Variants in PLXDC1 observed in about 807,000 individuals in gnomAD.
PLXDC1 encodes plexin domain-containing protein 1.
PLXDC1 carries 39 observed loss-of-function variants against 61.3 expected under a neutral mutation model. The ratio of observed to expected loss-of-function variants is 0.64; its 90% CI spans 0.49 to 0.83. The LOEUF (loss-of-function observed/expected upper bound fraction) is 0.83, where lower values mean the gene tolerates loss of function less well. PLXDC1 is among the 40% of genes least tolerant of loss of function. The pLI is 0.00. For synonymous variants in PLXDC1, 212 were observed against 254.5 expected (o/e 0.83, Z 1.59); for missense variants, 596 against 666.5 (o/e 0.89, Z 1.17).
chr17:39,118,264 G>A (rs990332680), intron 2 of PLXDC1, among the ~76,000 whole-genome samples: 3 of 151,872 alleles, frequency 2.0e-5, no homozygotes, highest in African/African-American at 4.8e-5. Context: ...GAGTGCAATG[G>A]TGAGATCTGG....
At chr17:39,076,508 C>CA (rs34943653) in intron 11 of PLXDC1, among the ~76,000 whole-genome samples, 9,493 of 84,976 alleles carry the variant, frequency 0.11, 655 homozygotes, top group African/African-American at 0.26. Context: ...GACCCTGTCT[C>CA]AAAAAAAAAA....
At chr17:39,082,033 G>A (rs1039006519) in intron 9 of PLXDC1, among the ~76,000 whole-genome samples, 8 of 152,154 alleles carry the variant, frequency 5.3e-5, no homozygotes, top group Non-Finnish European at 1.0e-4. Context: ...CATTTTACAG[G>A]GTAAACAATC....
chr17:39,109,200 C>T (rs746997117), intron 3 of PLXDC1, 48 bp downstream of exon 3: 1 of 1,573,482 alleles, frequency 6.4e-7, no homozygotes. Flanking sequence ...TGGTTTGGCC[C>T]CCGGCCTCCC....
intron 9 of PLXDC1, 183 bp from the exon 10 acceptor site, chr17:39,079,347 C>T: frequency 1.6e-6 from 1 of 625,604 alleles, no homozygotes; most frequent in Non-Finnish European, 3.0e-6. Context: ...GGCATCCCTG[C>T]CTTCCTTCCC....
intron 8 of PLXDC1, among the ~76,000 whole-genome samples, chr17:39,087,351 C>T (rs1162993927): frequency 1.3e-5 from 2 of 152,210 alleles, no homozygotes; most frequent in Non-Finnish European, 2.9e-5. Flanking sequence ...CAAGCCCTAA[C>T]CCCCACCCCA....
At chr17:39,090,403 C>T (rs909405815) in intron 7 of PLXDC1, among the ~76,000 whole-genome samples, 3 of 152,140 alleles carry the variant, frequency 2.0e-5, no homozygotes, top group South Asian at 4.2e-4. Flanking sequence ...CACCTGCTAC[C>T]CACAGGCCAG....
At chr17:39,128,097 G>GTGTGTGTGTATATA in intron 2 of PLXDC1, among the ~76,000 whole-genome samples, 1 of 67,478 alleles carries the variant, frequency 1.5e-5, no homozygotes, top group Non-Finnish European at 2.7e-5. Context: ...CTCTCTATGT[G>GTGTGTGTGTATATA]TATATATATA....
intron 1 of PLXDC1, among the ~76,000 whole-genome samples, chr17:39,145,029 C>T (rs1032609305): frequency 6.6e-6 from 1 of 152,182 alleles, no homozygotes; most frequent in Admixed American, 6.5e-5. Context: ...AAGGAACCTC[C>T]CAAGGTCACA....
intron 2 of PLXDC1, among the ~76,000 whole-genome samples, chr17:39,120,907 G>A (rs571019098): frequency 5.9e-5 from 9 of 152,218 alleles, no homozygotes; most frequent in African/African-American, 1.7e-4. Flanking sequence ...ACAGGCATGC[G>A]CCATCACGCG....
intron 7 of PLXDC1, among the ~76,000 whole-genome samples, chr17:39,104,169 G>A (rs756353929): frequency 2.0e-5 from 3 of 152,190 alleles, no homozygotes; most frequent in Non-Finnish European, 2.9e-5. Flanking sequence ...CCAGACATTA[G>A]GCCCAACACT....
rs187198977 is a variant in PLXDC1 at position 39,123,170 on chromosome 17, C to A, written c.256-13779G>T. ...CCTCTCTTCTCTGAGGGTCAGTTCC[C>A]TCATCAGTGACCTTTCTTGCAAGGT... On this transcript the variant is annotated intron_variant, in intron 2 of 13. Transcript: ENST00000315392. Among the ~76,000 whole-genome samples, 39 of 152,300 alleles carry A rather than the reference C, an allele frequency of 2.6e-4. 1 individual carries two copies. The highest frequency in any genetic ancestry group is 4.4e-5 in the Non-Finnish European group (3 of 68,030).
chr17:39,151,000 G>C (rs2045368890), intron 1 of PLXDC1, among the ~76,000 whole-genome samples: 1 of 152,176 alleles, frequency 6.6e-6, no homozygotes, highest in East Asian at 1.9e-4. Flanking sequence ...GCCTCCCCAG[G>C]CTCCCATCTC....
At chr17:39,114,491 G>T (rs972465971) in intron 2 of PLXDC1, among the ~76,000 whole-genome samples, 1 of 152,180 alleles carries the variant, frequency 6.6e-6, no homozygotes, top group African/African-American at 2.4e-5. Flanking sequence ...TTGCACACTT[G>T]TGACAATTTA....
chr17:39,099,425 C>A (rs1173663212), intron 7 of PLXDC1, among the ~76,000 whole-genome samples: 1 of 152,088 alleles, frequency 6.6e-6, no homozygotes, highest in Non-Finnish European at 1.5e-5. Flanking sequence ...ATGAAACAGA[C>A]ACATCCCTGC....
intron 4 of PLXDC1, 29 bp from the exon 5 acceptor site, chr17:39,108,274 C>T (rs767455926): frequency 1.2e-6 from 2 of 1,612,606 alleles, no homozygotes; most frequent in Middle Eastern, 1.9e-4. Flanking sequence ...AGAGGAGTCA[C>T]CAGAAATGGC....
chr17:39,085,423 G>A (rs1454775943), intron 8 of PLXDC1, among the ~76,000 whole-genome samples: 5 of 152,226 alleles, frequency 3.3e-5, no homozygotes, highest in Non-Finnish European at 7.3e-5. Context: ...ACAGTGCCTG[G>A]CACATGGTAT....
chr17:39,108,602 A>G (rs1910680384), intron 4 of PLXDC1: 3 of 514,598 alleles, frequency 5.8e-6, no homozygotes, highest in Admixed American at 6.3e-5. Flanking sequence ...CAGGAGCCCA[A>G]GCTCTCAGTG....
rs147201824 is a variant in PLXDC1, at chr17:39,083,494, C to A, written c.954G>T (p.Leu318=). Reference sequence around the variant, plus strand: ...CATGGCACCAGCTGCAGTTGAAGGTCAGGTCTGAGGACATGCAGGCGTCAC... The same window carrying A: ...CATGGCACCAGCTGCAGTTGAAGGTAAGGTCTGAGGACATGCAGGCGTCAC... ...RSCDACMSSD[L]TFNCSWCHVL... is the part of the protein sequence containing the mutation. The change falls in exon 9 of 14, where the codon CTG becomes CTT. Residue 318 remains leucine (L), a synonymous_variant. Transcript: ENST00000315392. 1.9e-6 allele frequency: 3 copies of A among 1,613,954 alleles called. No individual in the cohort carries two copies. Among genetic ancestry groups the A allele is most frequent in the Middle Eastern group, 3.3e-4 (2 of 6,038 alleles).
At chr17:39,143,423 A>G (rs1911997298) in intron 1 of PLXDC1, among the ~76,000 whole-genome samples, 1 of 152,226 alleles carries the variant, frequency 6.6e-6, no homozygotes, top group Admixed American at 6.5e-5. Context: ...TACGTGTGCG[A>G]CTATGTGCCT....
Sources: gnomAD v4.1 joint callset for allele counts (sites outside exome capture counted in the v4.1 genomes callset) on GRCh38, gnomAD v4.1.1 for gene constraint, MANE v1.5 for transcripts, NCBI Gene and HGNC (gene_info 2026-07-23, HGNC 2026-07-21) for gene names.